SLC6A11: variants seen among roughly 807,000 people sequenced by gnomAD.
SLC6A11 encodes the protein sodium- and chloride-dependent GABA transporter 3.
SLC6A11 carries 25 observed loss-of-function variants against 74.8 expected under a neutral mutation model. The ratio of observed to expected loss-of-function variants is 0.33; its 90% CI spans 0.24 to 0.47. The LOEUF is 0.47. Ranked by LOEUF, SLC6A11 falls within the 20% of genes least tolerant of loss-of-function variation. SLC6A11 has a pLI of 1.00. For synonymous variants in SLC6A11, 330 were observed against 330.2 expected, an observed-to-expected ratio of 1.00 and a Z score of 0.01; for missense variants, 574 against 837.0, an observed-to-expected ratio of 0.69 and a Z score of 3.88.
At chr3:10,819,419 G>T (rs1306942387) in intron 1 of SLC6A11, 46 bp from the exon 2 acceptor site, 1 of 1,570,444 alleles carries the variant, frequency 6.4e-7, no homozygotes, top group African/African-American at 1.4e-5. Context: ...AGCCAAGTAT[G>T]AATCGGCAGG....
At chr3:10,903,619 G>A (rs1276222564) in intron 6 of SLC6A11, among the ~76,000 whole-genome samples, 1 of 152,220 alleles carries the variant, frequency 6.6e-6, no homozygotes, top group Non-Finnish European at 1.5e-5. Context: ...TTATGGTGCG[G>A]GGAAGAGGGA....
At chr3:10,845,315 C>A (rs146562312) in intron 5 of SLC6A11, among the ~76,000 whole-genome samples, 3 of 152,306 alleles carry the variant, frequency 2.0e-5, no homozygotes, top group East Asian at 3.9e-4. Context: ...CCCCACCATT[C>A]CATATCACCC....
chr3:10,900,688 A>T (rs1695229505), intron 6 of SLC6A11, among the ~76,000 whole-genome samples: 1 of 152,198 alleles, frequency 6.6e-6, no homozygotes, highest in Admixed American at 6.5e-5. Context: ...TAGCAAAGAA[A>T]TGTGGTTCTG....
intron 4 of SLC6A11, among the ~76,000 whole-genome samples, chr3:10,839,461 T>C (rs1462166467): frequency 2.6e-5 from 4 of 152,200 alleles, no homozygotes; most frequent in Non-Finnish European, 5.9e-5. Context: ...ACTTGCCTGC[T>C]GGAGATGCCC....
intron 6 of SLC6A11, among the ~76,000 whole-genome samples, chr3:10,901,651 A>G (rs1200726314): frequency 6.6e-6 from 1 of 152,084 alleles, no homozygotes; most frequent in Non-Finnish European, 1.5e-5. Flanking sequence ...AAATATCTCC[A>G]AAGTCGTCTC....
chr3:10,903,996 C>G (rs1695272657), intron 6 of SLC6A11, among the ~76,000 whole-genome samples: 1 of 152,256 alleles, frequency 6.6e-6, no homozygotes, highest in Non-Finnish European at 1.5e-5. Context: ...AAAAGGTGAG[C>G]ATGTTTCCAG....
chr3:10,911,127 C>T (rs1052357705), intron 6 of SLC6A11, among the ~76,000 whole-genome samples: 18 of 152,288 alleles, frequency 1.2e-4, no homozygotes, highest in Middle Eastern at 3.4e-3. Flanking sequence ...CATGCCCGGC[C>T]GGGTTGCCGT....
Position 10,915,486 on chromosome 3 carries a change from A to G in SLC6A11, c.996-2843A>G, listed in dbSNP as rs1362445969. ...AATTAGTACCCTCTCTCCTGACAGC[A>G]TAATAGCTTCTGGAGGTCTTAAAAG... On this transcript the variant is annotated intron_variant, in intron 7 of 13. Transcript: ENST00000254488. This position sits in a 1 kb window ranked among gnomAD's most constrained non-coding sequence, Gnocchi z 4.3. Among the ~76,000 whole-genome samples the G allele has an allele frequency of 6.6e-6, 1 of 152,210 alleles. No homozygotes were observed. Among genetic ancestry groups the G allele is most frequent in the African/African-American group, 2.4e-5 (1 of 41,454 alleles).
At chr3:10,882,234 T>C (rs1439296975) in intron 6 of SLC6A11, among the ~76,000 whole-genome samples, 1 of 152,228 alleles carries the variant, frequency 6.6e-6, no homozygotes, top group African/African-American at 2.4e-5. Flanking sequence ...CCATTTTACT[T>C]TCCTGCTCTT....
intron 5 of SLC6A11, among the ~76,000 whole-genome samples, chr3:10,869,763 G>A (rs1225843555): frequency 6.6e-6 from 1 of 152,232 alleles, no homozygotes; most frequent in African/African-American, 2.4e-5. Flanking sequence ...GAACAGGGAA[G>A]AGACATGCAG....
intron 5 of SLC6A11, among the ~76,000 whole-genome samples, chr3:10,850,516 G>C (rs1694559836): frequency 6.6e-6 from 1 of 151,692 alleles, no homozygotes; most frequent in South Asian, 2.1e-4. Context: ...GGAGCACAGG[G>C]CTGGGAGAGG....
intron 4 of SLC6A11, among the ~76,000 whole-genome samples, chr3:10,833,015 G>C (rs1022829884): frequency 3.3e-5 from 5 of 152,156 alleles, no homozygotes; most frequent in Non-Finnish European, 7.3e-5. Context: ...GCAAGAGCCA[G>C]GACCCCCATC....
chr3:10,869,800 C>A (rs1013017107), intron 5 of SLC6A11, among the ~76,000 whole-genome samples: 4 of 152,102 alleles, frequency 2.6e-5, no homozygotes, highest in African/African-American at 4.8e-5. Flanking sequence ...ACTGCAGCTG[C>A]AGTATGGACA....
Position 10,926,050 on chromosome 3 carries a change from G to T in SLC6A11, c.1167G>T (p.Met389Ile). 6.2e-7 allele frequency: 1 copy of T among 1,613,688 alleles called. No individual in the cohort carries two copies. The highest frequency in any genetic ancestry group is 8.5e-7 in the Non-Finnish European group (1 of 1,179,728). ...CGTACCCCAAGGCGGTCACCATGAT[G>T]CCTCTCTCCCCGCTGTGGGCCACCT... ...FIAYPKAVTM[M>I]PLSPLWATLF... is the part of the protein sequence containing the mutation. Residue 389 changes from methionine (M) to isoleucine (I), a missense_variant, in exon 9 of 14, where the codon ATG becomes ATT. By Grantham distance (10) the Met-to-Ile change is conservative. Transcript: ENST00000254488. This position sits in a 1 kb window ranked among gnomAD's most constrained non-coding sequence, Gnocchi z 5.7.
chr3:10,865,198 C>G (rs981156402), intron 5 of SLC6A11, among the ~76,000 whole-genome samples: 2 of 152,234 alleles, frequency 1.3e-5, no homozygotes, highest in African/African-American at 4.8e-5. Context: ...GATCTCTAAC[C>G]AATCCTCACG....
chr3:10,852,714 G>A (rs1033029013), intron 5 of SLC6A11, among the ~76,000 whole-genome samples: 8 of 152,224 alleles, frequency 5.3e-5, no homozygotes, highest in Admixed American at 3.9e-4. Flanking sequence ...CCTGGGAAAC[G>A]GGAAGCCACC....
chr3:10,894,995 T>C (rs1695153403), intron 6 of SLC6A11, among the ~76,000 whole-genome samples: 1 of 152,200 alleles, frequency 6.6e-6, no homozygotes, highest in Admixed American at 6.5e-5. Flanking sequence ...AGATCTGGGA[T>C]TGAGTCTTTC....
At chr3:10,847,965 C>G (rs1468194790) in intron 5 of SLC6A11, among the ~76,000 whole-genome samples, 1 of 152,226 alleles carries the variant, frequency 6.6e-6, no homozygotes, top group Non-Finnish European at 1.5e-5. Context: ...AGAAACCCAT[C>G]TCCCAGCTAT....
intron 5 of SLC6A11, among the ~76,000 whole-genome samples, chr3:10,871,667 C>A (rs545224284): frequency 6.3e-4 from 96 of 152,272 alleles, no homozygotes; most frequent in African/African-American, 2.2e-3. Flanking sequence ...TAGCTCTCTG[C>A]AGAAACCATC....
Sources: allele counts gnomAD v4.1 joint callset (sites outside exome capture counted in the v4.1 genomes callset), GRCh38; gene constraint gnomAD v4.1.1; non-coding constraint Gnocchi (gnomAD v3.1); transcripts MANE v1.5; gene names NCBI Gene and HGNC (gene_info 2026-07-23, HGNC 2026-07-21).